The following OVCH2 variants were observed in gnomAD, a reference collection of about 807,000 sequenced individuals.
The protein encoded by OVCH2 is ovochymase 2.
Under a neutral mutation model 73.7 loss-of-function variants are expected in OVCH2, and 88 were observed. The observed-to-expected ratio is 1.19, with a 90% CI of 1.01 to 1.43. OVCH2 has a LOEUF of 1.43. Among genes scored for constraint, OVCH2 ranks in the 40% most tolerant of loss-of-function variants. The probability of loss-of-function intolerance (pLI) is 0.00; values close to 1 mark genes in which losing one functional copy is unlikely to be tolerated. For missense variants in OVCH2, 706 were observed against 674.5 expected (o/e 1.05, Z -0.52); for synonymous variants, 265 against 234.5 (o/e 1.13, Z -1.19).
Position 7,701,732 on chromosome 11 carries a change from C to T in OVCH2, c.543G>A (p.Trp181Ter), listed in dbSNP as rs1335183841. 1.2e-6 allele frequency: 2 copies of T among 1,611,806 alleles called. No individual in the cohort carries two copies. The highest frequency in any genetic ancestry group is 1.7e-6 in the Non-Finnish European group (2 of 1,179,200). The change falls in exon 5 of 16, where the codon TGG becomes TGA. Residue 181 changes from tryptophan to a stop codon, truncating the protein, a stop_gained. Coordinates refer to ENST00000533663, the MANE Select transcript of OVCH2 (RefSeq NM_198185.7). LOFTEE classifies it high-confidence loss of function. ...AGTTCTTACCTTCAGTTAAGCGGCC[C>T]CAGCCTGCAGTTGTACAAATAAAAC... Reference protein sequence around the residue: ...EAGFICTTAGWGRLTEGGVLS... With the variant: ...EAGFICTTAG
At chr11:7,697,078 C>T (rs1024468119) in intron 8 of OVCH2, 16 of 424,720 alleles carry the variant, frequency 3.8e-5, no homozygotes, top group African/African-American at 1.2e-4. Context: ...AATCTCTCAC[C>T]GAGGGTGGAG....
At chr11:7,681,583 G>A in the OVCH2 span, among the ~76,000 whole-genome samples, 1 of 152,186 alleles carries the variant, frequency 6.6e-6, no homozygotes, top group African/African-American at 2.4e-5. Context: ...GTACAGAGCT[G>A]TGTTAATGAT....
At chr11:7,688,666 C>T (rs1032899166), downstream of OVCH2, among the ~76,000 whole-genome samples, 3 of 145,320 alleles carry the variant, frequency 2.1e-5, no homozygotes, top group Non-Finnish European at 4.5e-5. Flanking sequence ...TTTGACTTTT[C>T]TCCTGATAAA....
rs997711510 is a variant in OVCH2 at position 7,695,688 on chromosome 11, G to A, written c.1164C>T (p.Leu388=). 6.3e-7 allele frequency: 1 copy of A among 1,586,988 alleles called. No individual in the cohort carries two copies. The highest frequency in any genetic ancestry group is 1.1e-5 in the South Asian group (1 of 90,420). ...TAGAGCCAATAAGAATGGATGAAGGGAGGCTTTCTCCACAAAATTTTCCTG... is the reference window on the plus strand; with the variant it reads ...TAGAGCCAATAAGAATGGATGAAGGAAGGCTTTCTCCACAAAATTTTCCTG... ...RPIGKFCGES[L]PSSILIGSNS... is the part of the protein sequence containing the mutation. Residue 388 remains leucine, a synonymous_variant, in exon 11 of 16, where the codon CTC becomes CTT. Transcript: ENST00000533663.
downstream of OVCH2, among the ~76,000 whole-genome samples, chr11:7,687,369 T>C (rs896809003): frequency 6.6e-6 from 1 of 151,434 alleles, no homozygotes; most frequent in African/African-American, 2.4e-5. Context: ...TTTGAGAAAA[T>C]TGAAGGCTAA....
rs752803128 is a variant in OVCH2, at chr11:7,700,462, C to T, written c.735G>A (p.Met245Ile). The T allele has an allele frequency of 1.2e-5, 19 of 1,607,944 alleles. No individual in the cohort carries two copies. Among genetic ancestry groups the T allele is most frequent in the East Asian group, 2.2e-5 (1 of 44,646 alleles). The part of the protein sequence containing the change: ...ACQGDSGGSL[M>I]CRNKKGAWTL... ...TCCAGGCCCCTTTCTTATTCCGGCA[C>T]ATGAGTGAACCTCCTGAATCTCCCT... Residue 245 changes from methionine to isoleucine, a missense_variant, in exon 7 of 16, where the codon ATG becomes ATA. By Grantham distance (10) the Met-to-Ile change is conservative. Transcript: ENST00000533663.
At chr11:7,687,925 C>T (rs906706962), downstream of OVCH2, among the ~76,000 whole-genome samples, 5 of 151,970 alleles carry the variant, frequency 3.3e-5, no homozygotes, top group South Asian at 4.1e-4. Flanking sequence ...AGCTCTTGTG[C>T]GTCTCTTCTT....
chr11:7,690,002 A>C lies in OVCH2; in HGVS notation c.1651T>G (p.Leu551Val). The C allele has an allele frequency of 6.6e-7, 1 of 1,520,740 alleles. No individual in the cohort carries two copies. The highest frequency in any genetic ancestry group is 1.2e-5 in the South Asian group (1 of 83,760). 94.2% of individuals were successfully genotyped at this position (1,520,740 alleles called of 1,614,324 possible). ...SFIPKAVYPD[L>V]NISISEDESM... Reference sequence around the variant, plus strand: ...TCATCCTCTGATATGGAGATGTTTAAATCTGGGTATACTGGGTATAAGTAT... The same window carrying C: ...TCATCCTCTGATATGGAGATGTTTACATCTGGGTATACTGGGTATAAGTAT... The change falls in exon 15 of 16, where the codon TTA becomes GTA. Residue 551 changes from leucine to valine, a missense_variant. Leu to Val is a conservative substitution (Grantham distance 32, BLOSUM62 1). Coordinates refer to ENST00000533663, the MANE Select transcript of OVCH2 (RefSeq NM_198185.7).
downstream of OVCH2, among the ~76,000 whole-genome samples, chr11:7,688,853 A>G (rs2136148655): frequency 6.6e-6 from 1 of 152,354 alleles, no homozygotes; most frequent in African/African-American, 2.4e-5. Flanking sequence ...GCACTAGAAC[A>G]TAGTAGTATA....
In OVCH2 at chr11:7,691,318, G is replaced by C; in HGVS notation, c.1590C>G (p.Asn530Lys). 1 of 1,613,764 alleles carries C rather than the reference G, an allele frequency of 6.2e-7. No homozygotes were observed. Residue 530 changes from asparagine to lysine, a missense_variant, in exon 14 of 16, where the codon AAC becomes AAG. By Grantham distance (94) the Asn-to-Lys change is moderately conservative. Coordinates refer to ENST00000533663, the MANE Select transcript of OVCH2 (RefSeq NM_198185.7). ...TAGCCTGAAAGCCCCTGCAGGTCCC[G>C]TTTTCATCTGATTGGAAGCTGATGA... ...IMLISFQSDE[N>K]GTCRGFQATV...
the OVCH2 span, among the ~76,000 whole-genome samples, chr11:7,680,608 G>T: frequency 1.3e-5 from 2 of 152,050 alleles, no homozygotes; most frequent in African/African-American, 2.4e-5. Flanking sequence ...ACCTGCCAAG[G>T]GATACAGGCA....
Position 7,689,956 on chromosome 11 carries a change from C to G in OVCH2, c.1697G>C (p.Ter566SerextTer44), listed in dbSNP as rs1399660602. ...SEDESMFLET[*>S] Reference sequence around the variant, plus strand: ...ATTGGTTTCTCCATTTGGCACATCTCATGTCTCCAGAAACATTGATTCATC... The same window carrying G: ...ATTGGTTTCTCCATTTGGCACATCTGATGTCTCCAGAAACATTGATTCATC... Residue 566 changes from the stop codon to serine, a stop_lost, in exon 15 of 16, where the codon TGA becomes TCA. Coordinates refer to ENST00000533663, the MANE Select transcript of OVCH2 (RefSeq NM_198185.7). 2 of 1,524,702 alleles carry G rather than the reference C, an allele frequency of 1.3e-6. No individual in the cohort carries two copies. Among genetic ancestry groups the G allele is most frequent in the East Asian group, 4.9e-5 (2 of 40,868 alleles). 94.4% of individuals were successfully genotyped at this position (1,524,702 alleles called of 1,614,324 possible).
At chr11:7,699,323 C>T (rs1228485322) in intron 7 of OVCH2, 1 of 153,004 alleles carries the variant, frequency 6.5e-6, no homozygotes, top group African/African-American at 2.4e-5. Flanking sequence ...CAAGGGTGTA[C>T]ACTCATCCCT....
chr11:7,702,252 G>A lies in OVCH2; in HGVS notation c.368C>T (p.Thr123Ile), dbSNP rs754959671. 6.2e-7 allele frequency: 1 copy of A among 1,612,566 alleles called. No individual in the cohort carries two copies. The highest frequency in any genetic ancestry group is 1.1e-5 in the South Asian group (1 of 90,896). The change falls in exon 4 of 16, where the codon ACT becomes ATT. Residue 123 changes from threonine to isoleucine, a missense_variant. Physicochemically the swap from Thr to Ile is moderately conservative, Grantham distance 89 (BLOSUM62 -1). Transcript: ENST00000533663. ...TGGATGTATGATGACAGTTTCAATA[G>A]TGAGAGTTTGCTCTCCTGGGTCTGT... The part of the protein sequence containing the change: ...SQTDPGEQTL[T>I]IETVIIHPHF...
chr11:7,692,064 G>T, intron 12 of OVCH2, 69 bp from the exon 13 acceptor site: 2 of 1,176,956 alleles, frequency 1.7e-6, no homozygotes, highest in Non-Finnish European at 1.2e-6. Context: ...ATTCAGCAGA[G>T]AAATTTGGAT....
the OVCH2 span, among the ~76,000 whole-genome samples, chr11:7,680,989 AC>A: frequency 6.6e-6 from 1 of 152,136 alleles, no homozygotes; most frequent in Admixed American, 6.5e-5. Context: ...GCCCCCTGCT[AC>A]CCAGTCACAT....
rs1284063133 is a variant in OVCH2 at position 7,695,091 on chromosome 11, C to T, written c.1380G>A (p.Trp460Ter). ...GGTGATGTTTGGAGGCTTGAAAAATCCAGTCACAGTTAGCCTTGTCACTGT... is the reference window on the plus strand; with the variant it reads ...GGTGATGTTTGGAGGCTTGAAAAATTCAGTCACAGTTAGCCTTGTCACTGT... The part of the protein sequence containing the change: ...ENYSDKANCD[W>*]IFQASKHHLI... The change falls in exon 12 of 16, where the codon TGG becomes TGA. Residue 460 changes from tryptophan (W) to a stop codon, truncating the protein, a stop_gained. Coordinates refer to ENST00000533663, the MANE Select transcript of OVCH2 (RefSeq NM_198185.7). LOFTEE classifies it high-confidence loss of function. 1 of 1,551,240 alleles carries T rather than the reference C, an allele frequency of 6.4e-7. No homozygotes were observed. Among genetic ancestry groups the T allele is most frequent in the Non-Finnish European group, 8.7e-7 (1 of 1,146,922 alleles).
chr11:7,687,457 G>A (rs1331662968), downstream of OVCH2, among the ~76,000 whole-genome samples: 1 of 152,098 alleles, frequency 6.6e-6, no homozygotes, highest in Non-Finnish European at 1.5e-5. Context: ...CCTGAAGCCT[G>A]AGAGCTTCAG....
chr11:7,691,947 C>CGGAAGT lies in OVCH2; in HGVS notation c.1456_1461dup (p.Thr486_Ser487dup). On this transcript the variant is annotated inframe_insertion, in exon 13 of 16. Coordinates refer to ENST00000533663, the MANE Select transcript of OVCH2 (RefSeq NM_198185.7). ...ACATCGCTGTGCACTGTCACATAGT[C>CGGAAGT]GGAAGTGCAGTCTCCACTTTCTTCT... 1 of 1,578,506 alleles carries CGGAAGT rather than the reference C, an allele frequency of 6.3e-7. No homozygotes were observed. Among genetic ancestry groups the CGGAAGT allele is most frequent in the Non-Finnish European group, 8.6e-7 (1 of 1,160,642 alleles).
Sources: gnomAD v4.1 joint callset for allele counts (sites outside exome capture counted in the v4.1 genomes callset) on GRCh38, gnomAD v4.1.1 for gene constraint, MANE v1.5 for transcripts, NCBI Gene and HGNC (gene_info 2026-07-23, HGNC 2026-07-21) for gene names.